ARMH4: variants seen among roughly 807,000 people sequenced by gnomAD.
ARMH4 encodes the protein armadillo like helical domain containing 4.
In ARMH4, 49 loss-of-function variants were observed where a neutral mutation model predicts 61.9. That is an observed-to-expected ratio of 0.79 (90% CI 0.63 to 1.00). The LOEUF (loss-of-function observed/expected upper bound fraction) is 1.00. ARMH4 is among the 50% of genes least tolerant of loss of function. ARMH4 has a pLI of 0.00. For synonymous variants in ARMH4, 368 were observed against 341.5 expected, an observed-to-expected ratio of 1.08 and a Z score of -0.85; for missense variants, 934 against 930.0, an observed-to-expected ratio of 1.00 and a Z score of -0.06.
chr14:58,041,625 C>T (rs1883707633), intron 5 of ARMH4, among the ~76,000 whole-genome samples: 1 of 152,228 alleles, frequency 6.6e-6, no homozygotes, highest in African/African-American at 2.4e-5. Flanking sequence ...GGGCTAAATG[C>T]TCCAATTAAA....
At chr14:58,014,088 G>C (rs1383338269) in intron 5 of ARMH4, among the ~76,000 whole-genome samples, 1 of 152,084 alleles carries the variant, frequency 6.6e-6, no homozygotes, top group Non-Finnish European at 1.5e-5. Flanking sequence ...CCAGGAGTAA[G>C]ACTTTCGAAC....
chr14:58,149,620 G>A (rs990513836), intron 1 of ARMH4, among the ~76,000 whole-genome samples: 5 of 152,182 alleles, frequency 3.3e-5, no homozygotes, highest in African/African-American at 7.2e-5. Flanking sequence ...GAAGATATCC[G>A]TGCTTATCAC....
At chr14:58,031,005 G>T (rs575220865) in intron 5 of ARMH4, among the ~76,000 whole-genome samples, 27 of 152,190 alleles carry the variant, frequency 1.8e-4, no homozygotes, top group African/African-American at 6.3e-4. Flanking sequence ...GTAGAATTAG[G>T]TTATTACTTG....
At chr14:58,016,800 A>G (rs1205640777) in intron 5 of ARMH4, among the ~76,000 whole-genome samples, 2 of 152,188 alleles carry the variant, frequency 1.3e-5, no homozygotes, top group African/African-American at 4.8e-5. Flanking sequence ...TCCTTCTAGT[A>G]GAGAGAAAGG....
In ARMH4 at chr14:58,152,156, C is replaced by CGGCGGCGGCGGCGGT. The variant is rs1451882215; in HGVS notation, c.-153_-139dup. ...CTCGGCATCCCAGCGGCGGGCCCTG[C>CGGCGGCGGCGGCGGT]GGCGGCGGCGGCGGTAGCGGCGGCG... On this transcript the variant is annotated 5_prime_UTR_variant, in exon 1 of 8. Transcript: ENST00000267485. 1.9e-5 allele frequency: 3 copies of CGGCGGCGGCGGCGGT among 159,088 alleles called. No individual in the cohort carries two copies. Among genetic ancestry groups the CGGCGGCGGCGGCGGT allele is most frequent in the Admixed American group, 1.3e-4 (2 of 15,264 alleles). The allele number at this position is 159,088 out of a possible 1,614,324, so 9.9% of individuals were successfully genotyped here.
intron 4 of ARMH4, among the ~76,000 whole-genome samples, chr14:58,108,003 C>T (rs1376589062): frequency 6.6e-6 from 1 of 152,098 alleles, no homozygotes; most frequent in Non-Finnish European, 1.5e-5. Context: ...TTGTTTCCAC[C>T]TATAAAGTGA....
chr14:58,004,983 A>T, intron 7 of ARMH4, 65 bp downstream of exon 7: 1 of 1,606,168 alleles, frequency 6.2e-7, no homozygotes, highest in Non-Finnish European at 8.5e-7. Context: ...GTGCTTTATT[A>T]AGTAAATTAG....
At chr14:58,026,582 A>G (rs1429609694) in intron 5 of ARMH4, among the ~76,000 whole-genome samples, 1 of 152,184 alleles carries the variant, frequency 6.6e-6, no homozygotes, top group African/African-American at 2.4e-5. Context: ...TCTGAAGTTC[A>G]GTATCATCAA....
intron 5 of ARMH4, among the ~76,000 whole-genome samples, chr14:58,013,412 G>A (rs1057446160): frequency 1.9e-5 from 2 of 104,906 alleles, no homozygotes; most frequent in African/African-American, 5.4e-5. Context: ...AAAAGCATTC[G>A]CATTCTTTGC....
At chr14:58,011,682 G>A (rs1321949200) in intron 6 of ARMH4, among the ~76,000 whole-genome samples, 1 of 151,510 alleles carries the variant, frequency 6.6e-6, no homozygotes, top group Non-Finnish European at 1.5e-5. Flanking sequence ...ATCTGTAGTT[G>A]GCCATTCCAG....
intron 6 of ARMH4, among the ~76,000 whole-genome samples, chr14:58,010,258 A>ATG (rs1491021306): frequency 7.2e-6 from 1 of 139,636 alleles, no homozygotes; most frequent in Non-Finnish European, 1.6e-5. Flanking sequence ...ATATATATAT[A>ATG]TGTGTGTAAG....
chr14:58,126,725 T>C (rs1886906899), intron 4 of ARMH4, among the ~76,000 whole-genome samples: 2 of 151,774 alleles, frequency 1.3e-5, no homozygotes, highest in Admixed American at 1.3e-4. Flanking sequence ...AAAAAAACTG[T>C]AGTTAAAGGA....
chr14:58,059,804 G>T (rs1322879458), intron 5 of ARMH4, among the ~76,000 whole-genome samples: 1 of 152,124 alleles, frequency 6.6e-6, no homozygotes, highest in Non-Finnish European at 1.5e-5. Context: ...TTTTCCAAAG[G>T]TATCATCCTT....
At chr14:58,080,396 T>G (rs1885181884) in intron 5 of ARMH4, among the ~76,000 whole-genome samples, 1 of 152,168 alleles carries the variant, frequency 6.6e-6, no homozygotes, top group Non-Finnish European at 1.5e-5. Context: ...CCCAAACTGC[T>G]GGGATTACAG....
Position 58,133,217 on chromosome 14 carries a change from C to CT in ARMH4, c.1493dup (p.Glu499GlyfsTer8). ...CGTCAGACACAGGAGAGGGGTCCTC[C>CT]TTTTCTTCCTCAGTCTTGCCACTGT... On this transcript the variant is annotated frameshift_variant, in exon 3 of 8. Transcript: ENST00000267485. LOFTEE classifies it high-confidence loss of function. 4 of 1,614,018 alleles carry CT rather than the reference C, an allele frequency of 2.5e-6. No individual in the cohort carries two copies. Among genetic ancestry groups the CT allele is most frequent in the Non-Finnish European group, 3.4e-6 (4 of 1,180,042 alleles).
chr14:58,103,145 A>C lies in ARMH4; in HGVS notation c.1832-6164T>G, dbSNP rs796361438. ...CAAAACTCCATCTCGAAAAAAAAAA[A>C]AATAGAATAAGGCAGAGAAAGACTT... On this transcript the variant is annotated intron_variant, in intron 4 of 7. Transcript: ENST00000267485. Among the ~76,000 whole-genome samples, 9 of 152,220 alleles carry C rather than the reference A, an allele frequency of 5.9e-5. No homozygotes were observed. In the South Asian group the frequency reaches 1.9e-3, roughly 32 times the overall value.
chr14:58,018,995 T>C (rs982474269), intron 5 of ARMH4, among the ~76,000 whole-genome samples: 1 of 152,122 alleles, frequency 6.6e-6, no homozygotes, highest in African/African-American at 2.4e-5. Flanking sequence ...TGGAGGACAT[T>C]ATGTTAAGCA....
intron 1 of ARMH4, chr14:58,141,658 G>C (rs1397348896): frequency 1.3e-5 from 5 of 385,190 alleles, no homozygotes; most frequent in South Asian, 8.7e-5. Flanking sequence ...CAGGAAGAAG[G>C]TCAAATAAGG....
chr14:58,043,987 A>C (rs1270579248), intron 5 of ARMH4, among the ~76,000 whole-genome samples: 1 of 152,240 alleles, frequency 6.6e-6, no homozygotes, highest in Non-Finnish European at 1.5e-5. Context: ...ATGGAAGAAC[A>C]TTCCATGCTC....
Sources: allele counts gnomAD v4.1 joint callset (sites outside exome capture counted in the v4.1 genomes callset), GRCh38; gene constraint gnomAD v4.1.1; transcripts MANE v1.5; gene names NCBI Gene and HGNC (gene_info 2026-07-23, HGNC 2026-07-21).